AMOTL2: variants seen among roughly 807,000 people sequenced by gnomAD.
AMOTL2 encodes the protein angiomotin like 2.
AMOTL2 carries 33 observed loss-of-function variants against 78.4 expected under a neutral mutation model. The ratio of observed to expected loss-of-function variants is 0.42; its 90% CI spans 0.32 to 0.56. AMOTL2 has a LOEUF of 0.56. Among genes scored for constraint, AMOTL2 ranks in the 20% least tolerant of loss-of-function variants. AMOTL2 has a pLI of 0.12. For missense variants in AMOTL2, 983 were observed against 1,030.1 expected (o/e 0.95, Z 0.63); for synonymous variants, 422 against 428.8 (o/e 0.98, Z 0.20).
upstream of AMOTL2, chr3:134,374,837 C>A (rs2107752830): frequency 8.6e-7 from 1 of 1,161,110 alleles, no homozygotes; most frequent in Non-Finnish European, 1.1e-6. Context: ...CTAAACCCAT[C>A]GACGGGACGA....
chr3:134,374,860 TA>T, upstream of AMOTL2: 2 of 1,230,558 alleles, frequency 1.6e-6, no homozygotes, highest in Non-Finnish European at 2.1e-6. Flanking sequence ...GCAAGGGCTG[TA>T]CCACGCGTGT....
At position 134,371,093 on chromosome 3, in the gene AMOTL2, G is replaced by T; in HGVS notation, c.341C>A (p.Ser114Ter). Residue 114 changes from serine (S) to a stop codon, truncating the protein, a stop_gained, in exon 2 of 10, where the codon TCG becomes TAG. Transcript: ENST00000249883. LOFTEE classifies it high-confidence loss of function. ...TGCCTGCTGGGCCGCATAGTACTGC[G>T]AGTGGGCTTTGGCCTCCTCATAGGT... ...LPTYEEAKAH[S>*]QYYAAQQAGT... is the part of the protein sequence containing the mutation. The T allele has an allele frequency of 6.2e-7, 1 of 1,612,520 alleles. No individual in the cohort carries two copies. The highest frequency in any genetic ancestry group is 1.1e-5 in the South Asian group (1 of 90,618).
rs2017129639 is a variant in AMOTL2 at position 134,357,592 on chromosome 3, T to A, written c.*113A>T. ...ACCAGATGGTCAATGGGAATGAGTG[T>A]CTGGCTGGGGAAAGGGACGGAGCAG... On this transcript the variant is annotated 3_prime_UTR_variant, in exon 10 of 10. Coordinates refer to ENST00000249883, the MANE Select transcript of AMOTL2 (RefSeq NM_016201.4). 3 of 1,116,874 alleles carry A rather than the reference T, an allele frequency of 2.7e-6. No homozygotes were observed. Among genetic ancestry groups the A allele is most frequent in the Non-Finnish European group, 2.7e-6 (2 of 732,508 alleles). The allele number at this position is 1,116,874 out of a possible 1,614,324, so 69.2% of individuals were successfully genotyped here.
At position 134,371,066 on chromosome 3, in the gene AMOTL2, C is replaced by G; in HGVS notation, c.368G>C (p.Gly123Ala). ...HSQYYAAQQAGTRPHAGDRDP... is the reference protein window; with the variant it reads ...HSQYYAAQQAATRPHAGDRDP... ...TCGGTCCCCCGCATGTGGCCGGGTC[C>G]CTGCCTGCTGGGCCGCATAGTACTG... Residue 123 changes from glycine (G) to alanine (A), a missense_variant, in exon 2 of 10, where the codon GGG (glycine) becomes GCG (alanine). Coordinates refer to ENST00000249883, the MANE Select transcript of AMOTL2 (RefSeq NM_016201.4). 2.5e-6 allele frequency: 4 copies of G among 1,610,780 alleles called. No homozygotes were observed. In the South Asian group the frequency reaches 3.3e-5, roughly 13 times the overall value.
chr3:134,375,124 T>G (rs2018040200), upstream of AMOTL2: 1 of 1,524,700 alleles, frequency 6.6e-7, no homozygotes, highest in Non-Finnish European at 8.8e-7. Flanking sequence ...CCAGCTATTT[T>G]ACGACCGTCT....
intron 2 of AMOTL2, among the ~76,000 whole-genome samples, chr3:134,369,291 T>A (rs1353777): frequency 1.3e-5 from 2 of 151,998 alleles, no homozygotes; most frequent in South Asian, 2.1e-4. Context: ...TGCTCCCCCC[T>A]GCACTGGGCC....
upstream of AMOTL2, chr3:134,374,527 A>G: frequency 1.0e-6 from 1 of 985,410 alleles, no homozygotes; most frequent in Non-Finnish European, 1.2e-6. Context: ...TGAGAGTTTC[A>G]GGTTCCCCCT....
chr3:134,366,690 T>C (rs560474129), intron 3 of AMOTL2: 2 of 371,756 alleles, frequency 5.4e-6, no homozygotes, highest in Non-Finnish European at 9.7e-6. Flanking sequence ...ACTTTGGAAG[T>C]AGCTGCCTGC....
At chr3:134,371,615 G>A in intron 1 of AMOTL2, 121 bp from the exon 2 acceptor site, 1 of 1,424,286 alleles carries the variant, frequency 7.0e-7, no homozygotes, top group East Asian at 2.5e-5. Context: ...AAGAGCAGGG[G>A]TGGGGCGGTT....
rs140943062 is a variant in AMOTL2 at position 134,359,332 on chromosome 3, G to A, written c.2055C>T (p.Leu685=). The A allele has an allele frequency of 3.5e-5, 57 of 1,614,100 alleles. No homozygotes were observed. The African/African-American group carries it at 6.1e-4, about 17-fold the overall frequency. ...CTGCTGTTTGTCGCTCACTAGAAGA[G>A]AGCCCTTGCCAGCCCTGGGTTCCTG... ...AAAGTQGWQG[L]SSSERQTADA... The change falls in exon 8 of 10, where the codon CTC becomes CTT. Residue 685 remains leucine (L), a synonymous_variant. Coordinates refer to ENST00000249883, the MANE Select transcript of AMOTL2 (RefSeq NM_016201.4).
Position 134,370,843 on chromosome 3 carries a change from C to T in AMOTL2, c.591G>A (p.Arg197=), listed in dbSNP as rs746217681. The change falls in exon 2 of 10, where the codon AGG becomes AGA. Residue 197 remains arginine, a synonymous_variant. Coordinates refer to ENST00000249883, the MANE Select transcript of AMOTL2 (RefSeq NM_016201.4). The stretch of plus-strand genomic sequence containing the variant: ...ACTCTGGGCCCTCAGCAGGGGGGCC[C>T]CTCAGTGGGGGGCCCTGCTGGTTGC... ...LARNQQGPPL[R]GPPAEGPESR... The T allele has an allele frequency of 2.5e-6, 4 of 1,598,402 alleles. No individual in the cohort carries two copies. The highest frequency in any genetic ancestry group is 1.3e-5 in the African/African-American group (1 of 74,500).
chr3:134,357,789 C>T, intron 9 of AMOTL2, 26 bp from the exon 10 acceptor site: 1 of 1,609,210 alleles, frequency 6.2e-7, no homozygotes, highest in Non-Finnish European at 8.5e-7. Context: ...AACACAGGCA[C>T]ATGCCAATGA....
Position 134,357,721 on chromosome 3 carries a change from A to G in AMOTL2, c.2327T>C (p.Val776Ala). The change falls in exon 10 of 10, where the codon GTG becomes GCG. Residue 776 changes from valine (V) to alanine (A), a missense_variant. By Grantham distance (64) the Val-to-Ala change is moderately conservative. Transcript: ENST00000249883. ...CCACCTCCTTCAGATCAGTATCTCC[A>G]CCATGTCTGACAAGTCCTGGACTCT... Reference protein sequence around the residue: ...TSRVQDLSDMVEILI With the variant: ...TSRVQDLSDMAEILI The G allele has an allele frequency of 6.2e-7, 1 of 1,614,164 alleles. No homozygotes were observed. Among genetic ancestry groups the G allele is most frequent in the African/African-American group, 1.3e-5 (1 of 75,034 alleles).
intron 9 of AMOTL2, among the ~76,000 whole-genome samples, chr3:134,357,985 T>C (rs952747795): frequency 3.3e-5 from 5 of 152,176 alleles, no homozygotes; most frequent in African/African-American, 1.2e-4. Context: ...GTTTCTAACT[T>C]TGAACTGGTT....
intron 2 of AMOTL2, among the ~76,000 whole-genome samples, chr3:134,369,612 C>T (rs1262613298): frequency 2.6e-5 from 4 of 152,282 alleles, no homozygotes; most frequent in Non-Finnish European, 2.9e-5. Flanking sequence ...CCTCTGGTTC[C>T]GCCATACCAA....
chr3:134,359,594 C>CA, intron 7 of AMOTL2, 91 bp from the exon 8 acceptor site: 1 of 1,021,710 alleles, frequency 9.8e-7, no homozygotes, highest in Non-Finnish European at 1.5e-6. Flanking sequence ...AGGAAAAGCC[C>CA]CCCCCAACTC....
intron 5 of AMOTL2, among the ~76,000 whole-genome samples, chr3:134,364,295 A>G (rs1439394675): frequency 6.6e-6 from 1 of 151,892 alleles, no homozygotes; most frequent in Admixed American, 6.5e-5. Context: ...TAATGGCTCC[A>G]GCGAGGAGCC....
intron 1 of AMOTL2, chr3:134,373,502 C>G (rs2017958846): frequency 4.1e-6 from 4 of 985,562 alleles, no homozygotes; most frequent in Middle Eastern, 5.2e-4. Flanking sequence ...GCTTCCGCGC[C>G]CCCGGCCGCG....
At position 134,361,713 on chromosome 3, in the gene AMOTL2, C is replaced by T. The variant is rs1245040734; in HGVS notation, c.1374G>A (p.Leu458=). 3 of 1,609,546 alleles carry T rather than the reference C, an allele frequency of 1.9e-6. No individual in the cohort carries two copies. Among genetic ancestry groups the T allele is most frequent in the East Asian group, 2.2e-5 (1 of 44,786 alleles). ...IEDQRRRAEL[L]EQALGNAQGR... ...CCTGCGCATTGCCCAGAGCCTGCTC[C>T]AGCAGCTCGGCACGCCGCCGCTGGT... Residue 458 remains leucine, a synonymous_variant, in exon 6 of 10, where the codon CTG becomes CTA. Coordinates refer to ENST00000249883, the MANE Select transcript of AMOTL2 (RefSeq NM_016201.4).
Sources: gnomAD v4.1 joint callset for allele counts (sites outside exome capture counted in the v4.1 genomes callset) on GRCh38, gnomAD v4.1.1 for gene constraint, MANE v1.5 for transcripts, NCBI Gene and HGNC (gene_info 2026-07-23, HGNC 2026-07-21) for gene names.